SETD3: variants seen among roughly 807,000 people sequenced by gnomAD.
The protein encoded by SETD3 is SET domain containing 3, actin N3(tau)-histidine methyltransferase.
In SETD3, 19 loss-of-function variants were observed where a neutral mutation model predicts 63.0. That is an observed-to-expected ratio of 0.30 (90% confidence interval 0.21 to 0.44). The LOEUF is 0.44. Among genes scored for constraint, SETD3 ranks in the 20% least tolerant of loss-of-function variants. The pLI is 1.00. For missense variants in SETD3, 587 were observed against 728.5 expected (o/e 0.81, Z 2.24); for synonymous variants, 286 against 264.1 (o/e 1.08, Z -0.80).
intron 6 of SETD3, among the ~76,000 whole-genome samples, chr14:99,443,946 G>T (rs1273290602): frequency 6.6e-6 from 1 of 152,174 alleles, no homozygotes; most frequent in Non-Finnish European, 1.5e-5. Flanking sequence ...CACAGCTCCT[G>T]CATCAGTGCA....
intron 6 of SETD3, among the ~76,000 whole-genome samples, chr14:99,433,506 T>A (rs150527914): frequency 2.0e-5 from 3 of 152,018 alleles, no homozygotes; most frequent in Non-Finnish European, 4.4e-5. Flanking sequence ...GGTGCGATCT[T>A]GGCTCACTGC....
chr14:99,406,968 G>A lies in SETD3; in HGVS notation c.850-378C>T, dbSNP rs778326639. Among the ~76,000 whole-genome samples, 3 of 152,272 alleles carry A rather than the reference G, an allele frequency of 2.0e-5. No homozygotes were observed. In the South Asian group the frequency reaches 6.2e-4, roughly 32 times the overall value. ...CTAAGCCTCCTTTCTGTTCACTGAC[G>A]ATCTGCACTATTCTCATTCATTTGC... On this transcript the variant is annotated intron_variant, in intron 8 of 12. Transcript: ENST00000331768.
intron 8 of SETD3, among the ~76,000 whole-genome samples, chr14:99,409,104 G>GC (rs1891836689): frequency 6.6e-6 from 1 of 152,166 alleles, no homozygotes; most frequent in Non-Finnish European, 1.5e-5. Flanking sequence ...CCGATGTCAA[G>GC]CAAGGACAGG....
At chr14:99,407,306 A>G (rs1268009360) in intron 8 of SETD3, among the ~76,000 whole-genome samples, 2 of 152,184 alleles carry the variant, frequency 1.3e-5, no homozygotes, top group South Asian at 2.1e-4. Context: ...AGCCAATGTC[A>G]TGGCCTCAGC....
intron 8 of SETD3, chr14:99,412,195 C>T (rs763109801): frequency 6.6e-6 from 1 of 152,476 alleles, no homozygotes; most frequent in Non-Finnish European, 1.5e-5. Flanking sequence ...TATCAGACAA[C>T]CCTCTCACAG....
At chr14:99,413,783 C>A in intron 7 of SETD3, 93 bp downstream of exon 7, 2 of 1,162,914 alleles carry the variant, frequency 1.7e-6, no homozygotes, top group South Asian at 2.5e-5. Flanking sequence ...CACAGCAGGT[C>A]ACTTCTCACT....
chr14:99,424,644 G>T (rs188543070), intron 6 of SETD3, among the ~76,000 whole-genome samples: 69 of 152,272 alleles, frequency 4.5e-4, no homozygotes, highest in African/African-American at 1.6e-3. Flanking sequence ...CAGGCCCCAG[G>T]GCTTCCCTTA....
chr14:99,461,120 A>T, intron 4 of SETD3, 72 bp downstream of exon 4: 1 of 1,545,574 alleles, frequency 6.5e-7, no homozygotes, highest in Non-Finnish European at 8.8e-7. Context: ...CTACCTCTTC[A>T]CCCTGCGCCC....
chr14:99,399,345 A>T (rs1891255850), intron 12 of SETD3, among the ~76,000 whole-genome samples: 1 of 152,208 alleles, frequency 6.6e-6, no homozygotes, highest in African/African-American at 2.4e-5. Context: ...CCTCAATGGA[A>T]ATGTTACAAA....
At chr14:99,461,994 T>C (rs1183143954) in intron 3 of SETD3, among the ~76,000 whole-genome samples, 1 of 152,226 alleles carries the variant, frequency 6.6e-6, no homozygotes, top group African/African-American at 2.4e-5. Context: ...TATGGGGTTA[T>C]TTATGAAGTA....
chr14:99,415,727 T>C (rs1325038030), intron 6 of SETD3, among the ~76,000 whole-genome samples: 2 of 152,186 alleles, frequency 1.3e-5, no homozygotes, highest in Non-Finnish European at 2.9e-5. Flanking sequence ...TCTTAAGAAA[T>C]AGGGTGTACA....
chr14:99,456,521 T>C (rs1389146096), intron 6 of SETD3, among the ~76,000 whole-genome samples: 10 of 152,194 alleles, frequency 6.6e-5, no homozygotes, highest in Non-Finnish European at 1.5e-5. Flanking sequence ...GGAATTTTAT[T>C]ACTCTTGGGA....
intron 7 of SETD3, 169 bp from the exon 8 acceptor site, chr14:99,413,234 G>T: frequency 1.7e-6 from 1 of 578,392 alleles, no homozygotes; most frequent in Non-Finnish European, 3.1e-6. Context: ...CAAACCCAGG[G>T]TTTGAAAGAG....
chr14:99,440,426 G>A (rs1032170046), intron 6 of SETD3, among the ~76,000 whole-genome samples: 3 of 152,110 alleles, frequency 2.0e-5, no homozygotes, highest in African/African-American at 4.8e-5. Flanking sequence ...CTACACGTGC[G>A]AAGTGGAAAT....
In SETD3 at chr14:99,463,531, C is replaced by A. The variant is rs769606120; in HGVS notation, c.151G>T (p.Val51Leu). Residue 51 changes from valine to leucine, a missense_variant, in exon 3 of 13, where the codon GTG (valine) becomes TTG (leucine). Transcript: ENST00000331768. ...TTCTCAACCAGAGTCCGGATCTGCA[C>A]ATACTCTTCCCACTCTTTTCCTGGG... ...PGPGKEWEEYVQIRTLVEKIR... is the reference protein window; with the variant it reads ...PGPGKEWEEYLQIRTLVEKIR... The A allele has an allele frequency of 1.9e-6, 3 of 1,614,004 alleles. No homozygotes were observed. The highest frequency in any genetic ancestry group is 2.7e-5 in the African/African-American group (2 of 74,934).
rs1253034137 is a variant in SETD3 at position 99,398,527 on chromosome 14, AAAT to A, written c.*149_*151del. 9.6e-6 allele frequency: 7 copies of A among 731,858 alleles called. No homozygotes were observed. In the East Asian group the frequency reaches 1.6e-4, roughly 17 times the overall value. The allele number at this position is 731,858 out of a possible 1,614,324, so 45.3% of individuals were successfully genotyped here. On this transcript the variant is annotated 3_prime_UTR_variant, in exon 13 of 13. Coordinates refer to ENST00000331768, the MANE Select transcript of SETD3 (RefSeq NM_032233.3). ...ATCAAAAAGGGAAGCTAGATTTTTA[AAAT>A]AACTTAAAAAAACCATTTTTATATA...
chr14:99,454,489 C>CTT (rs1375261422), intron 6 of SETD3, among the ~76,000 whole-genome samples: 1 of 152,010 alleles, frequency 6.6e-6, no homozygotes, highest in Non-Finnish European at 1.5e-5. Context: ...AGAAAACACT[C>CTT]TAAGAAATAC....
intron 8 of SETD3, chr14:99,409,837 CT>C: frequency 5.9e-6 from 1 of 170,530 alleles, no homozygotes; most frequent in East Asian, 1.5e-4. Flanking sequence ...TCTTTCTGAT[CT>C]TTTTTCCTAG....
At chr14:99,403,455 ACTCT>A (rs55804663) in intron 11 of SETD3, among the ~76,000 whole-genome samples, 3,817 of 135,494 alleles carry the variant, frequency 0.028, 52 homozygotes, top group African/African-American at 0.041. Flanking sequence ...ACACACACAC[ACTCT>A]CTCTCTCTCT....
Sources: gnomAD v4.1 joint callset for allele counts (sites outside exome capture counted in the v4.1 genomes callset) on GRCh38, gnomAD v4.1.1 for gene constraint, MANE v1.5 for transcripts, NCBI Gene and HGNC (gene_info 2026-07-23, HGNC 2026-07-21) for gene names.